Variants in PCDHGA9 observed in about 807,000 individuals in gnomAD.
The protein encoded by PCDHGA9 is protocadherin gamma subfamily A, 9, also known as protocadherin gamma-A9.
In PCDHGA9, 37 loss-of-function variants were observed where a neutral mutation model predicts 62.5. That is an observed-to-expected ratio of 0.59 (90% CI 0.46 to 0.78). The LOEUF (loss-of-function observed/expected upper bound fraction) is 0.78. PCDHGA9 is among the 30% of genes least tolerant of loss of function. The pLI, the probability that PCDHGA9 is intolerant of heterozygous loss-of-function variation, is 0.00. For missense variants in PCDHGA9, 1,138 were observed against 1,166.2 expected (o/e 0.98, Z 0.35); for synonymous variants, 459 against 484.6 (o/e 0.95, Z 0.69).
intron 1 of PCDHGA9, among the ~76,000 whole-genome samples, chr5:141,446,356 A>G (rs73280911): frequency 0.088 from 13,411 of 152,284 alleles, 771 homozygotes; most frequent in African/African-American, 0.16. Flanking sequence ...CTACCATTTG[A>G]TGAGAATGGA....
Position 141,432,044 on chromosome 5 carries a change from A to T in PCDHGA9, c.2424+26668A>T. 6.2e-7 allele frequency: 1 copy of T among 1,613,886 alleles called. No individual in the cohort carries two copies. Among genetic ancestry groups the T allele is most frequent in the Non-Finnish European group, 8.5e-7 (1 of 1,179,922 alleles). ...CACAGTGACCGCCACTGACCGGGGA[A>T]CCCCGCCCCTATCCACGGAAACTCA... On this transcript the variant is annotated intron_variant, in intron 1 of 3. Coordinates refer to ENST00000573521, the MANE Select transcript of PCDHGA9 (RefSeq NM_018921.3). This position sits in a 1 kb window ranked among gnomAD's most constrained non-coding sequence, Gnocchi z 6.0.
intron 1 of PCDHGA9, chr5:141,410,254 C>T: frequency 3.1e-6 from 5 of 1,614,020 alleles, no homozygotes; most frequent in Non-Finnish European, 3.4e-6. Flanking sequence ...TCTCTGACCC[C>T]CAGGCTGAAC....
chr5:141,419,524 T>C (rs1400473876), intron 1 of PCDHGA9: 4 of 1,612,164 alleles, frequency 2.5e-6, no homozygotes, highest in Non-Finnish European at 3.4e-6. Flanking sequence ...TGGGCGACCG[T>C]AACGACAACG....
At chr5:141,421,783 A>G in intron 1 of PCDHGA9, 1 of 1,613,882 alleles carries the variant, frequency 6.2e-7, no homozygotes, top group East Asian at 2.2e-5. Flanking sequence ...ACTGCGGGGC[A>G]GAACGGATGG....
chr5:141,480,273 G>A (rs2099516030), intron 1 of PCDHGA9, among the ~76,000 whole-genome samples: 1 of 151,956 alleles, frequency 6.6e-6, no homozygotes, highest in Non-Finnish European at 1.5e-5. Flanking sequence ...TCATTAGCTG[G>A]GTGTGTTGGC....
In PCDHGA9 at chr5:141,505,352, C is replaced by T. The variant is rs371829394; in HGVS notation, c.2484-41C>T. 1.5e-5 allele frequency: 25 copies of T among 1,613,302 alleles called. No individual in the cohort carries two copies. In the South Asian group the frequency reaches 2.7e-4, roughly 18 times the overall value. ...AGGACAGGAGGGGCATGAGCTGTGCCGGCCTGGGAGTCTGTGCTCACCATC... is the reference window on the plus strand; with the variant it reads ...AGGACAGGAGGGGCATGAGCTGTGCTGGCCTGGGAGTCTGTGCTCACCATC... On this transcript the variant is annotated intron_variant, in intron 2 of 3. Transcript: ENST00000573521.
At chr5:141,418,347 G>A in intron 1 of PCDHGA9, 1 of 1,614,024 alleles carries the variant, frequency 6.2e-7, no homozygotes, top group Non-Finnish European at 8.5e-7. Flanking sequence ...CCTGATATTA[G>A]TATGAATTCG....
At chr5:141,472,980 C>CAAAAAAAAAA (rs60579131) in intron 1 of PCDHGA9, among the ~76,000 whole-genome samples, 34 of 85,838 alleles carry the variant, frequency 4.0e-4, no homozygotes, top group South Asian at 1.3e-3. Context: ...GAGTGAAACT[C>CAAAAAAAAAA]AAAAAAAAAA....
intron 1 of PCDHGA9, chr5:141,418,485 A>G (rs1216502936): frequency 6.2e-7 from 1 of 1,614,028 alleles, no homozygotes; most frequent in South Asian, 1.1e-5. Context: ...AGCGCTCACC[A>G]CTTGGTACTG....
chr5:141,457,480 G>A lies in PCDHGA9; in HGVS notation c.2425-37327G>A, dbSNP rs566798464. ...GATTCACAGGAATAAGCAGGGCCAGGGTTAGTCTAAAATGTAGGCAAAAAG... is the reference window on the plus strand; with the variant it reads ...GATTCACAGGAATAAGCAGGGCCAGAGTTAGTCTAAAATGTAGGCAAAAAG... On this transcript the variant is annotated intron_variant, in intron 1 of 3. Transcript: ENST00000573521. 2.0e-5 allele frequency among the ~76,000 whole-genome samples: 3 copies of A among 152,266 alleles called. No individual in the cohort carries two copies. In the South Asian group the frequency reaches 6.2e-4, roughly 32 times the overall value.
intron 1 of PCDHGA9, chr5:141,422,211 C>G: frequency 6.4e-7 from 1 of 1,563,286 alleles, no homozygotes; most frequent in Non-Finnish European, 8.6e-7. Context: ...GTGGAGGTCT[C>G]TTTACCACCA....
At chr5:141,433,604 G>A (rs2097631609) in intron 1 of PCDHGA9, among the ~76,000 whole-genome samples, 1 of 152,138 alleles carries the variant, frequency 6.6e-6, no homozygotes, top group Non-Finnish European at 1.5e-5. Flanking sequence ...GGGAGGCCGA[G>A]GCGGGTGGAT....
intron 1 of PCDHGA9, among the ~76,000 whole-genome samples, chr5:141,445,738 T>G (rs553879167): frequency 9.9e-5 from 15 of 152,122 alleles, no homozygotes; most frequent in Non-Finnish European, 1.9e-4. Context: ...AAAGATCTTT[T>G]TAAAAAATAA....
At chr5:141,409,441 G>C (rs1432743588) in intron 1 of PCDHGA9, 1 of 1,613,884 alleles carries the variant, frequency 6.2e-7, no homozygotes, top group East Asian at 2.2e-5. Context: ...TGGACCGAGA[G>C]CAGACACCAG....
In PCDHGA9 at chr5:141,476,288, C is replaced by A. The variant is rs1446743849; in HGVS notation, c.2425-18519C>A. 3.1e-6 allele frequency: 5 copies of A among 1,613,980 alleles called. No homozygotes were observed. The highest frequency in any genetic ancestry group is 3.4e-6 in the Non-Finnish European group (4 of 1,180,026). ...CGTGGTCGCGAACCTTGGTTTGGAT[C>A]TCGGTAGCCTCTCAGCCCGCAGGTT... On this transcript the variant is annotated intron_variant, in intron 1 of 3. Coordinates refer to ENST00000573521, the MANE Select transcript of PCDHGA9 (RefSeq NM_018921.3). This position sits in a 1 kb window ranked among gnomAD's most constrained non-coding sequence, Gnocchi z 7.6.
chr5:141,406,796 T>C (rs1010773625), intron 1 of PCDHGA9, among the ~76,000 whole-genome samples: 7 of 152,362 alleles, frequency 4.6e-5, no homozygotes, highest in Admixed American at 1.3e-4. Flanking sequence ...TATTTCTGGC[T>C]CAATTCTCCA....
At position 141,409,564 on chromosome 5, in the gene PCDHGA9, G is replaced by C. The variant is rs374234556; in HGVS notation, c.2424+4188G>C. ...ACGACAACGCCCCAGTTTTCGACCA[G>C]ACGTCCTACGTGGTCCACGTGGCCG... On this transcript the variant is annotated intron_variant, in intron 1 of 3. Coordinates refer to ENST00000573521, the MANE Select transcript of PCDHGA9 (RefSeq NM_018921.3). The C allele has an allele frequency of 4.0e-5, 64 of 1,613,870 alleles. No individual in the cohort carries two copies. Among genetic ancestry groups the C allele is most frequent in the Non-Finnish European group, 5.2e-5 (61 of 1,179,914 alleles).
Position 141,404,536 on chromosome 5 carries a change from G to A in PCDHGA9, c.1584G>A (p.Leu528=). The change falls in exon 1 of 4, where the codon TTG becomes TTA. Residue 528 remains leucine, a synonymous_variant. Transcript: ENST00000573521. ...CSFDYEQFRD[L]QMQVTASDSG... ...TTGACTATGAGCAGTTTAGAGATTT[G>A]CAAATGCAGGTGACGGCAAGTGACA... The A allele has an allele frequency of 6.2e-7, 1 of 1,613,922 alleles. No homozygotes were observed. The highest frequency in any genetic ancestry group is 8.5e-7 in the Non-Finnish European group (1 of 1,179,822).
At chr5:141,411,880 A>G (rs1030232942) in intron 1 of PCDHGA9, 2 of 152,240 alleles carry the variant, frequency 1.3e-5, no homozygotes, top group African/African-American at 4.8e-5. Flanking sequence ...GACATTTCTA[A>G]GAAATAAATG....
Sources: gnomAD v4.1 joint callset for allele counts (sites outside exome capture counted in the v4.1 genomes callset) on GRCh38, gnomAD v4.1.1 for gene constraint, Gnocchi (gnomAD v3.1) non-coding constraint, MANE v1.5 for transcripts, NCBI Gene and HGNC (gene_info 2026-07-23, HGNC 2026-07-21) for gene names.